The following CDH13 variants were observed in gnomAD, a reference collection of about 807,000 sequenced individuals.
The protein encoded by CDH13 is cadherin 13, also known as cadherin-13.
Under a neutral mutation model 63.8 loss-of-function variants are expected in CDH13, and 24 were observed. That is an observed-to-expected ratio of 0.38 (90% CI 0.27 to 0.53). The LOEUF (loss-of-function observed/expected upper bound fraction) is 0.53. Among genes scored for constraint, CDH13 ranks in the 20% least tolerant of loss-of-function variants. The probability of loss-of-function intolerance (pLI) is 0.85; values close to 1 mark genes in which losing one functional copy is unlikely to be tolerated. For synonymous variants in CDH13, 503 were observed against 355.3 expected (o/e 1.42, Z -4.67); for missense variants, 1,049 against 903.1 (o/e 1.16, Z -2.07).
At chr16:83,102,609 C>G (rs1228082025) in intron 3 of CDH13, among the ~76,000 whole-genome samples, 1 of 152,154 alleles carries the variant, frequency 6.6e-6, no homozygotes, top group African/African-American at 2.4e-5. Context: ...GGAGGGACAT[C>G]ACCCAGTTCA....
chr16:82,848,965 G>A (rs2039374620), intron 1 of CDH13, among the ~76,000 whole-genome samples: 1 of 152,188 alleles, frequency 6.6e-6, no homozygotes, highest in South Asian at 2.1e-4. Flanking sequence ...CTACTCCACT[G>A]AACATATGAA....
chr16:83,020,772 C>T (rs1477853353), intron 2 of CDH13, among the ~76,000 whole-genome samples: 1 of 152,202 alleles, frequency 6.6e-6, no homozygotes, highest in African/African-American at 2.4e-5. Flanking sequence ...CCCTTCCTCC[C>T]CAGGTATATC....
chr16:82,858,608 C>A (rs2039801730), intron 2 of CDH13, 135 bp downstream of exon 2: 8 of 727,252 alleles, frequency 1.1e-5, no homozygotes, highest in South Asian at 9.1e-5. Flanking sequence ...CACTGCTTGA[C>A]CCAAAGTGGA....
At chr16:83,211,766 C>CA (rs1165135436) in intron 4 of CDH13, among the ~76,000 whole-genome samples, 3 of 151,392 alleles carry the variant, frequency 2.0e-5, no homozygotes, top group South Asian at 2.1e-4. Context: ...CTCCCCCCCC[C>CA]AAACAGCCAG....
At chr16:82,871,381 A>G (rs1405400618) in intron 2 of CDH13, among the ~76,000 whole-genome samples, 1 of 152,122 alleles carries the variant, frequency 6.6e-6, no homozygotes, top group Non-Finnish European at 1.5e-5. Context: ...GACAGTTTGT[A>G]TGTATATCAG....
At chr16:82,652,609 A>C (rs1441330456) in intron 1 of CDH13, among the ~76,000 whole-genome samples, 2 of 150,150 alleles carry the variant, frequency 1.3e-5, no homozygotes, top group Non-Finnish European at 2.9e-5. Flanking sequence ...AAAATGAACC[A>C]ATCTAGAAAG....
At chr16:83,089,358 C>G (rs1567818495) in intron 3 of CDH13, among the ~76,000 whole-genome samples, 1 of 152,220 alleles carries the variant, frequency 6.6e-6, no homozygotes. Flanking sequence ...TTAATCATCA[C>G]TCACCATGCA....
At chr16:83,065,084 C>T (rs74030385) in intron 3 of CDH13, among the ~76,000 whole-genome samples, 4,169 of 152,096 alleles carry the variant, frequency 0.027, 163 homozygotes, top group African/African-American at 0.095. Flanking sequence ...ATTTCCCATA[C>T]AAGTGAGATC....
At chr16:83,172,303 C>G (rs932626116) in intron 4 of CDH13, among the ~76,000 whole-genome samples, 1 of 152,022 alleles carries the variant, frequency 6.6e-6, no homozygotes, top group African/African-American at 2.4e-5. Flanking sequence ...CCAGCCTGGG[C>G]TATAGTGAAA....
At chr16:83,105,107 A>G (rs1166201190) in intron 3 of CDH13, among the ~76,000 whole-genome samples, 1 of 152,124 alleles carries the variant, frequency 6.6e-6, no homozygotes, top group African/African-American at 2.4e-5. Context: ...CCGTCAACCC[A>G]TCACCTAGAT....
At chr16:83,223,865 G>T (rs1236206940) in intron 5 of CDH13, among the ~76,000 whole-genome samples, 1 of 152,140 alleles carries the variant, frequency 6.6e-6, no homozygotes, top group Non-Finnish European at 1.5e-5. Context: ...GGTTTTTGGG[G>T]AACAGGTGGC....
At chr16:82,839,410 C>T (rs1209912201) in intron 1 of CDH13, among the ~76,000 whole-genome samples, 10 of 152,166 alleles carry the variant, frequency 6.6e-5, no homozygotes, top group Non-Finnish European at 1.5e-4. Context: ...GCTCAATTTG[C>T]GTGTGCCATC....
At chr16:82,891,626 T>G (rs1054302673) in intron 2 of CDH13, among the ~76,000 whole-genome samples, 2 of 152,038 alleles carry the variant, frequency 1.3e-5, no homozygotes, top group Non-Finnish European at 2.9e-5. Flanking sequence ...GAAGTAGGAG[T>G]GATCAGTGTG....
intron 1 of CDH13, among the ~76,000 whole-genome samples, chr16:82,781,169 A>AT (rs979366445): frequency 2.0e-5 from 3 of 152,160 alleles, no homozygotes; most frequent in African/African-American, 4.8e-5. Flanking sequence ...TATGCAGGCA[A>AT]TTTTTTAAAA....
chr16:82,706,913 G>A (rs186974788), intron 1 of CDH13, among the ~76,000 whole-genome samples: 2 of 152,292 alleles, frequency 1.3e-5, no homozygotes, highest in African/African-American at 2.4e-5. Context: ...ATGTTTTTAC[G>A]AATATTCTAG....
At chr16:82,938,705 C>T (rs888101524) in intron 2 of CDH13, among the ~76,000 whole-genome samples, 2 of 152,150 alleles carry the variant, frequency 1.3e-5, no homozygotes, top group Admixed American at 6.5e-5. Context: ...ATCAGTACTG[C>T]ACACAAGACA....
intron 2 of CDH13, among the ~76,000 whole-genome samples, chr16:82,928,782 C>T (rs1418077436): frequency 1.3e-5 from 2 of 152,294 alleles, no homozygotes; most frequent in South Asian, 2.1e-4. Flanking sequence ...TTATATCTGA[C>T]ATTCAATGGG....
intron 1 of CDH13, among the ~76,000 whole-genome samples, chr16:82,735,278 CTATT>C (rs1426574702): frequency 6.6e-6 from 1 of 152,192 alleles, no homozygotes; most frequent in African/African-American, 2.4e-5. Context: ...AGAAGGAACA[CTATT>C]TAATCACAAA....
chr16:83,337,791 T>A (rs1314158692), intron 5 of CDH13, among the ~76,000 whole-genome samples: 3 of 152,030 alleles, frequency 2.0e-5, no homozygotes, highest in Non-Finnish European at 4.4e-5. Context: ...TGTAGCTTCA[T>A]GTGTATTAAT....
Sources: allele counts gnomAD v4.1 joint callset (sites outside exome capture counted in the v4.1 genomes callset), GRCh38; gene constraint gnomAD v4.1.1; transcripts MANE v1.5; gene names NCBI Gene and HGNC (gene_info 2026-07-23, HGNC 2026-07-21).